The following ITPRIPL2 variants were observed in gnomAD, a reference collection of about 807,000 sequenced individuals.
The protein encoded by ITPRIPL2 is inositol 1,4,5-trisphosphate receptor-interacting protein-like 2.
Under a neutral mutation model 31.7 loss-of-function variants are expected in ITPRIPL2, and 29 were observed. That is an observed-to-expected ratio of 0.91 (90% CI 0.68 to 1.25). The LOEUF is 1.25. Ranked by LOEUF, ITPRIPL2 falls within the 50% of genes most tolerant of loss-of-function variation. The pLI, the probability that ITPRIPL2 is intolerant of heterozygous loss-of-function variation, is 0.00. For synonymous variants in ITPRIPL2, 344 were observed against 343.4 expected, an observed-to-expected ratio of 1.00 and a Z score of -0.02; for missense variants, 696 against 739.1, an observed-to-expected ratio of 0.94 and a Z score of 0.68.
chr16:19,117,185 C>T lies in ITPRIPL2; in HGVS notation c.*1116C>T, dbSNP rs1311172558. 6.0e-6 allele frequency: 1 copy of T among 167,136 alleles called. No homozygotes were observed. Among genetic ancestry groups the T allele is most frequent in the Non-Finnish European group, 1.5e-5 (1 of 68,130 alleles). The allele number at this position is 167,136 out of a possible 1,614,324, so 10.4% of individuals were successfully genotyped here. A position where few individuals can be genotyped will look rare whatever the true frequency, so the allele number is the denominator to read the frequency against. On this transcript the variant is annotated 3_prime_UTR_variant, in exon 1 of 1. Coordinates refer to ENST00000381440, the MANE Select transcript of ITPRIPL2 (RefSeq NM_001034841.4). The stretch of plus-strand genomic sequence containing the variant: ...TGAGCTAATGAAGAGGAAATGCCTG[C>T]TGCTTAGCATGTGGTTTGTGCTGGG...
Position 19,114,914 on chromosome 16 carries a change from C to T in ITPRIPL2, c.453C>T (p.Ala151=), listed in dbSNP as rs914565206. The change falls in exon 1 of 1, where the codon GCC becomes GCT. Residue 151 remains alanine (A), a synonymous_variant. Coordinates refer to ENST00000381440, the MANE Select transcript of ITPRIPL2 (RefSeq NM_001034841.4). ...TTCCTGGGGGAGCGCTGGCCTTGGC[C>T]TTCCGCGGAGACTTCATCCAGGTGG... ...GLIPGGALAL[A]FRGDFIQVGS... is the part of the protein sequence containing the mutation. The T allele has an allele frequency of 2.5e-6, 4 of 1,610,356 alleles. No individual in the cohort carries two copies. In the African/African-American group the frequency reaches 5.3e-5, roughly 21 times the overall value.
Position 19,115,543 on chromosome 16 carries a change from G to C in ITPRIPL2, c.1082G>C (p.Trp361Ser). ...CGCCAGGAGCAGAAGCTGCTGAGTT[G>C]GCTGCAGGAACGGGCAGCTCCAGGT... ...TARQEQKLLS[W>S]LQERAAPGAC... is the part of the protein sequence containing the mutation. The change falls in exon 1 of 1, where the codon TGG becomes TCG. Residue 361 changes from tryptophan to serine, a missense_variant. By Grantham distance (177) the Trp-to-Ser change is radical (BLOSUM62 -3). Coordinates refer to ENST00000381440, the MANE Select transcript of ITPRIPL2 (RefSeq NM_001034841.4). 1.9e-6 allele frequency: 3 copies of C among 1,602,742 alleles called. No homozygotes were observed. The highest frequency in any genetic ancestry group is 2.5e-6 in the Non-Finnish European group (3 of 1,178,292).
Position 19,115,461 on chromosome 16 carries a change from C to G in ITPRIPL2, c.1000C>G (p.Leu334Val). The change falls in exon 1 of 1, where the codon CTG (leucine) becomes GTG (valine). Residue 334 changes from leucine (L) to valine (V), a missense_variant. Transcript: ENST00000381440. ...ACCGCCACCCTTGCCCAGCGCGCCC[C>G]TGTTGGAGCTCCCTGAGGGCCTGCG... ...PPPPPLPSAP[L>V]LELPEGLRAE... is the part of the protein sequence containing the mutation. The G allele has an allele frequency of 6.2e-7, 1 of 1,608,886 alleles. No homozygotes were observed. The highest frequency in any genetic ancestry group is 8.5e-7 in the Non-Finnish European group (1 of 1,179,958).
rs748429411 is a variant in ITPRIPL2, at chr16:19,115,037, C to T, written c.576C>T (p.Ser192=). 7.8e-5 allele frequency: 125 copies of T among 1,597,688 alleles called. 2 individuals carry two copies. In the South Asian group the frequency reaches 1.3e-3, roughly 17 times the overall value. Residue 192 remains serine (S), a synonymous_variant, in exon 1 of 1, where the codon AGC becomes AGT. Coordinates refer to ENST00000381440, the MANE Select transcript of ITPRIPL2 (RefSeq NM_001034841.4). ...LPPLVALEPR[S]LGEEPALAPA... is the part of the protein sequence containing the mutation. The stretch of plus-strand genomic sequence containing the variant: ...CGCTTGTGGCGCTGGAGCCACGGAG[C>T]CTGGGCGAGGAGCCAGCGCTGGCCC...
rs182699133 is a variant in ITPRIPL2 at position 19,117,559 on chromosome 16, G to C, written c.*1490G>C. 163 of 167,074 alleles carry C rather than the reference G, an allele frequency of 9.8e-4. No homozygotes were observed. Among genetic ancestry groups the C allele is most frequent in the Non-Finnish European group, 1.9e-3 (128 of 68,094 alleles). The allele number at this position is 167,074 out of a possible 1,614,324, so 10.3% of individuals were successfully genotyped here. A position where few individuals can be genotyped will look rare whatever the true frequency, so the allele number is the denominator to read the frequency against. On this transcript the variant is annotated 3_prime_UTR_variant, in exon 1 of 1. Transcript: ENST00000381440. ...GTTCAGCATGGCCCCTCATCTGCTTGCCTGATTGGAAATGCAGCCAGTCCA... is the reference window on the plus strand; with the variant it reads ...GTTCAGCATGGCCCCTCATCTGCTTCCCTGATTGGAAATGCAGCCAGTCCA...
chr16:19,119,945 G>C lies in ITPRIPL2; in HGVS notation c.*3876G>C, dbSNP rs1292326756. 1 of 166,990 alleles carries C rather than the reference G, an allele frequency of 6.0e-6. No individual in the cohort carries two copies. The highest frequency in any genetic ancestry group is 1.5e-5 in the Non-Finnish European group (1 of 68,098). 10.3% of individuals were successfully genotyped at this position (166,990 alleles called of 1,614,324 possible). A position where few individuals can be genotyped will look rare whatever the true frequency, so the allele number is the denominator to read the frequency against. On this transcript the variant is annotated 3_prime_UTR_variant, in exon 1 of 1. Coordinates refer to ENST00000381440, the MANE Select transcript of ITPRIPL2 (RefSeq NM_001034841.4). ...GGATTGCAGAATAACTTGTTTCTTT[G>C]TATTTTATTCTTACATTTAAATTAA...
In ITPRIPL2 at chr16:19,114,197, C is replaced by T; in HGVS notation, c.-265C>T. 3.1e-6 allele frequency: 1 copy of T among 325,496 alleles called. No homozygotes were observed. Among genetic ancestry groups the T allele is most frequent in the Non-Finnish European group, 5.6e-6 (1 of 179,968 alleles). The allele number at this position is 325,496 out of a possible 1,614,324, so 20.2% of individuals were successfully genotyped here. A position where few individuals can be genotyped will look rare whatever the true frequency, so the allele number is the denominator to read the frequency against. ...CGGGGGCGCCGGGCGGGGAGGGCCG[C>T]TGGGCCGGACTCAGCGCGCAGCCGG... On this transcript the variant is annotated 5_prime_UTR_variant, in exon 1 of 1. Transcript: ENST00000381440.
In ITPRIPL2 at chr16:19,115,670, C is replaced by T. The variant is rs1963432534; in HGVS notation, c.1209C>T (p.Ser403=). ...CCACCCAGTGGGGACGCATCCTATC[C>T]TCATATGTGCTCAAGACAGTGCTGC... ...AAATQWGRIL[S]SYVLKTVLLA... Residue 403 remains serine (S), a synonymous_variant, in exon 1 of 1, where the codon TCC becomes TCT. Transcript: ENST00000381440. 1 of 1,612,434 alleles carries T rather than the reference C, an allele frequency of 6.2e-7. No individual in the cohort carries two copies. The highest frequency in any genetic ancestry group is 8.5e-7 in the Non-Finnish European group (1 of 1,179,788).
chr16:19,116,121 G>T lies in ITPRIPL2; in HGVS notation c.*52G>T. On this transcript the variant is annotated 3_prime_UTR_variant, in exon 1 of 1. Coordinates refer to ENST00000381440, the MANE Select transcript of ITPRIPL2 (RefSeq NM_001034841.4). ...AATGCTCCTAAAGCCTTTCCCACTG[G>T]GTGGGGGTGGGAATGGCGGTGAAGC... 12 of 1,485,132 alleles carry T rather than the reference G, an allele frequency of 8.1e-6. No individual in the cohort carries two copies. The highest frequency in any genetic ancestry group is 8.1e-6 in the Non-Finnish European group (9 of 1,104,712). The allele number at this position is 1,485,132 out of a possible 1,614,324, so 92.0% of individuals were successfully genotyped here.
chr16:19,115,623 C>G lies in ITPRIPL2; in HGVS notation c.1162C>G (p.Arg388Gly), dbSNP rs1364216861. 1.2e-6 allele frequency: 2 copies of G among 1,608,962 alleles called. No homozygotes were observed. Among genetic ancestry groups the G allele is most frequent in the Non-Finnish European group, 1.7e-6 (2 of 1,179,030 alleles). ...LLKALRDLGA[R>G]GLDSAAATQW... ...TAAGGCTCTGCGCGATCTGGGGGCC[C>G]GTGGGCTGGACTCAGCGGCCGCCAC... Residue 388 changes from arginine (R) to glycine (G), a missense_variant, in exon 1 of 1, where the codon CGT becomes GGT. Arg to Gly is a moderately radical substitution (Grantham distance 125). Coordinates refer to ENST00000381440, the MANE Select transcript of ITPRIPL2 (RefSeq NM_001034841.4).
chr16:19,114,273 G>A lies in ITPRIPL2; in HGVS notation c.-189G>A, dbSNP rs1007928297. The A allele has an allele frequency of 5.1e-6, 2 of 390,380 alleles. No homozygotes were observed. Among genetic ancestry groups the A allele is most frequent in the African/African-American group, 4.2e-5 (2 of 47,978 alleles). 24.2% of individuals were successfully genotyped at this position (390,380 alleles called of 1,614,324 possible). A position where few individuals can be genotyped will look rare whatever the true frequency, so the allele number is the denominator to read the frequency against. ...AGCGCAGGGCGGGCCGCAGCTGGAA[G>A]GAACACTTGAGCTGGGAGAGGAGGC... On this transcript the variant is annotated 5_prime_UTR_variant, in exon 1 of 1. Coordinates refer to ENST00000381440, the MANE Select transcript of ITPRIPL2 (RefSeq NM_001034841.4).
chr16:19,115,854 G>A lies in ITPRIPL2; in HGVS notation c.1393G>A (p.Val465Met). The A allele has an allele frequency of 1.2e-6, 2 of 1,612,260 alleles. No individual in the cohort carries two copies. The highest frequency in any genetic ancestry group is 1.7e-6 in the Non-Finnish European group (2 of 1,179,790). Residue 465 changes from valine to methionine, a missense_variant, in exon 1 of 1, where the codon GTG (valine) becomes ATG (methionine). Transcript: ENST00000381440. ...VLGPGGAAAEVGPLPKALREA... is the reference protein window; with the variant it reads ...VLGPGGAAAEMGPLPKALREA... ...GGGCCCTGGTGGGGCGGCTGCCGAGGTGGGTCCCCTGCCCAAGGCACTGAG... is the reference window on the plus strand; with the variant it reads ...GGGCCCTGGTGGGGCGGCTGCCGAGATGGGTCCCCTGCCCAAGGCACTGAG...
In ITPRIPL2 at chr16:19,114,374, G is replaced by C; in HGVS notation, c.-88G>C. ...AGGAGGAGACGGGGACAGCGGGGCT[G>C]CCCGGGCGCTGTGCGCATGCTGGGC... is the stretch of plus-strand genomic sequence containing the variant. On this transcript the variant is annotated 5_prime_UTR_variant, in exon 1 of 1. Coordinates refer to ENST00000381440, the MANE Select transcript of ITPRIPL2 (RefSeq NM_001034841.4). The C allele has an allele frequency of 9.3e-7, 1 of 1,069,944 alleles. No individual in the cohort carries two copies. 66.3% of individuals were successfully genotyped at this position (1,069,944 alleles called of 1,614,324 possible).
chr16:19,114,319 C>T lies in ITPRIPL2; in HGVS notation c.-143C>T, dbSNP rs1158996754. The T allele has an allele frequency of 1.9e-6, 1 of 518,470 alleles. No individual in the cohort carries two copies. The allele number at this position is 518,470 out of a possible 1,614,324, so 32.1% of individuals were successfully genotyped here. A position where few individuals can be genotyped will look rare whatever the true frequency, so the allele number is the denominator to read the frequency against. On this transcript the variant is annotated 5_prime_UTR_variant, in exon 1 of 1. Transcript: ENST00000381440. ...GAGGCCGAGCTGGAGGGCGGCCTCC[C>T]TCGGGCCTGCGTTCGGGAAGCCGCC...
chr16:19,116,155 T>C lies in ITPRIPL2; in HGVS notation c.*86T>C. The C allele has an allele frequency of 1.5e-6, 2 of 1,354,506 alleles. No individual in the cohort carries two copies. The highest frequency in any genetic ancestry group is 2.0e-6 in the Non-Finnish European group (2 of 989,396). 83.9% of individuals were successfully genotyped at this position (1,354,506 alleles called of 1,614,324 possible). On this transcript the variant is annotated 3_prime_UTR_variant, in exon 1 of 1. Coordinates refer to ENST00000381440, the MANE Select transcript of ITPRIPL2 (RefSeq NM_001034841.4). ...GGGAATGGCGGTGAAGCCAGTTAAA[T>C]GCAAGATTGCAGAAGGCATTGGAAA...
At position 19,115,550 on chromosome 16, in the gene ITPRIPL2, G is replaced by T; in HGVS notation, c.1089G>T (p.Gln363His). The T allele has an allele frequency of 6.2e-7, 1 of 1,602,598 alleles. No individual in the cohort carries two copies. Among genetic ancestry groups the T allele is most frequent in the Non-Finnish European group, 8.5e-7 (1 of 1,178,310 alleles). ...AGCAGAAGCTGCTGAGTTGGCTGCAGGAACGGGCAGCTCCAGGTGCCTGCT... is the reference window on the plus strand; with the variant it reads ...AGCAGAAGCTGCTGAGTTGGCTGCATGAACGGGCAGCTCCAGGTGCCTGCT... ...RQEQKLLSWLQERAAPGACYL... is the reference protein window; with the variant it reads ...RQEQKLLSWLHERAAPGACYL... The change falls in exon 1 of 1, where the codon CAG becomes CAT. Residue 363 changes from glutamine (Q) to histidine (H), a missense_variant. Gln to His is a conservative substitution (Grantham distance 24). Coordinates refer to ENST00000381440, the MANE Select transcript of ITPRIPL2 (RefSeq NM_001034841.4).
At position 19,114,301 on chromosome 16, in the gene ITPRIPL2, AGCTGGAGGGCGG is replaced by A; in HGVS notation, c.-160_-149del. ...ACACTTGAGCTGGGAGAGGAGGCCG[AGCTGGAGGGCGG>A]CCTCCCTCGGGCCTGCGTTCGGGAA... is the stretch of plus-strand genomic sequence containing the variant. On this transcript the variant is annotated 5_prime_UTR_variant, in exon 1 of 1. Coordinates refer to ENST00000381440, the MANE Select transcript of ITPRIPL2 (RefSeq NM_001034841.4). 2.3e-6 allele frequency: 1 copy of A among 426,210 alleles called. No homozygotes were observed. Among genetic ancestry groups the A allele is most frequent in the East Asian group, 3.6e-5 (1 of 27,408 alleles). 26.4% of individuals were successfully genotyped at this position (426,210 alleles called of 1,614,324 possible).
Position 19,121,237 on chromosome 16 carries a change from A to C in ITPRIPL2, c.*5168A>C, listed in dbSNP as rs914560260. 1 of 167,096 alleles carries C rather than the reference A, an allele frequency of 6.0e-6. No homozygotes were observed. 10.4% of individuals were successfully genotyped at this position (167,096 alleles called of 1,614,324 possible). A position where few individuals can be genotyped will look rare whatever the true frequency, so the allele number is the denominator to read the frequency against. ...TAATCTGGTTTTTGAAGTATCTACTATTCTGGAATATTGTTAAACAACTTT... is the reference window on the plus strand; with the variant it reads ...TAATCTGGTTTTTGAAGTATCTACTCTTCTGGAATATTGTTAAACAACTTT... On this transcript the variant is annotated 3_prime_UTR_variant, in exon 1 of 1. Transcript: ENST00000381440.
Position 19,119,093 on chromosome 16 carries a change from T to C in ITPRIPL2, c.*3024T>C, listed in dbSNP as rs1184605611. The C allele has an allele frequency of 2.4e-6, 1 of 413,394 alleles. No homozygotes were observed. The highest frequency in any genetic ancestry group is 4.4e-5 in the Admixed American group (1 of 22,722). The allele number at this position is 413,394 out of a possible 1,614,324, so 25.6% of individuals were successfully genotyped here. A position where few individuals can be genotyped will look rare whatever the true frequency, so the allele number is the denominator to read the frequency against. On this transcript the variant is annotated 3_prime_UTR_variant, in exon 1 of 1. Transcript: ENST00000381440. Reference sequence around the variant, plus strand: ...TCAGTCATTTTGTGGCGAGACACCCTTTGGTAACTCCCACTGACCAGTCTT... The same window carrying C: ...TCAGTCATTTTGTGGCGAGACACCCCTTGGTAACTCCCACTGACCAGTCTT...
Sources: gnomAD v4.1 joint callset for allele counts on GRCh38, gnomAD v4.1.1 for gene constraint, MANE v1.5 for transcripts, NCBI Gene and HGNC (gene_info 2026-07-23, HGNC 2026-07-21) for gene names.